PDE8A: variants seen among roughly 807,000 people sequenced by gnomAD.
PDE8A encodes the protein high affinity cAMP-specific and IBMX-insensitive 3',5'-cyclic phosphodiesterase 8A.
A neutral mutation model predicts 105.0 loss-of-function variants in PDE8A; 59 were observed. The ratio of observed to expected loss-of-function variants is 0.56; its 90% CI spans 0.46 to 0.70. The LOEUF (loss-of-function observed/expected upper bound fraction) is 0.70, where lower values mean the gene tolerates loss of function less well. PDE8A is among the 30% of genes least tolerant of loss of function. PDE8A has a pLI of 0.00. For missense variants in PDE8A, 1,014 were observed against 1,045.9 expected, an observed-to-expected ratio of 0.97 and a Z score of 0.42; for synonymous variants, 355 against 371.9, an observed-to-expected ratio of 0.95 and a Z score of 0.52.
intron 6 of PDE8A, 43 bp downstream of exon 6, chr15:85,083,687 C>A (rs2141505129): frequency 1.6e-6 from 2 of 1,242,238 alleles, no homozygotes; most frequent in Admixed American, 1.7e-5. Context: ...CCATACAGGG[C>A]AGCATGGCAA....
chr15:84,981,536 C>T (rs2079707509), upstream of PDE8A, among the ~76,000 whole-genome samples: 2 of 152,296 alleles, frequency 1.3e-5, no homozygotes, highest in Admixed American at 6.5e-5. Context: ...AGGGGTTTCC[C>T]TCGGACCCCG....
At chr15:85,082,269 G>A (rs780236827) in intron 5 of PDE8A, among the ~76,000 whole-genome samples, 1 of 152,100 alleles carries the variant, frequency 6.6e-6, no homozygotes, top group Admixed American at 6.5e-5. Flanking sequence ...TTGGCCTATA[G>A]GTATAAGGTT....
intron 6 of PDE8A, among the ~76,000 whole-genome samples, chr15:85,084,960 C>A (rs2081527447): frequency 6.6e-6 from 1 of 152,212 alleles, no homozygotes; most frequent in Non-Finnish European, 1.5e-5. Context: ...TACTGCTACT[C>A]TTAGTCTAGG....
At position 85,083,539 on chromosome 15, in the gene PDE8A, C is replaced by G. The variant is rs752190199; in HGVS notation, c.547-17C>G. 1 of 1,522,006 alleles carries G rather than the reference C, an allele frequency of 6.6e-7. No homozygotes were observed. Among genetic ancestry groups the G allele is most frequent in the Non-Finnish European group, 9.1e-7 (1 of 1,097,846 alleles). 94.3% of individuals were successfully genotyped at this position (1,522,006 alleles called of 1,614,324 possible). On this transcript the variant is annotated splice_polypyrimidine_tract_variant and intron_variant, in intron 5 of 21. Coordinates refer to ENST00000394553, the MANE Select transcript of PDE8A (RefSeq NM_002605.3). ...AGCACTTTTGTTTATCCACAAAATT[C>G]CTCTTTCTGTTTGTAGAGGTATGTA...
At chr15:85,017,192 C>T (rs1256902815) in intron 1 of PDE8A, among the ~76,000 whole-genome samples, 1 of 151,050 alleles carries the variant, frequency 6.6e-6, no homozygotes, top group Non-Finnish European at 1.5e-5. Context: ...ACCCGGGAAG[C>T]AGAGCTTGCA....
At chr15:85,086,587 A>G (rs553723601) in intron 6 of PDE8A, among the ~76,000 whole-genome samples, 1 of 152,340 alleles carries the variant, frequency 6.6e-6, no homozygotes, top group East Asian at 1.9e-4. Context: ...GTTCAACCTC[A>G]CTAATAAAGA....
chr15:85,137,553 T>C (rs1175231603), intron 21 of PDE8A, among the ~76,000 whole-genome samples: 1 of 152,188 alleles, frequency 6.6e-6, no homozygotes. Context: ...ATTAGCCACC[T>C]TCTGTTTTAT....
At chr15:85,066,607 C>CACAT (rs1291072699) in intron 2 of PDE8A, among the ~76,000 whole-genome samples, 14 of 72,220 alleles carry the variant, frequency 1.9e-4, no homozygotes, top group African/African-American at 1.1e-3. Context: ...CACACACACA[C>CACAT]ACACACACAC....
At chr15:85,001,051 G>T (rs2142177701) in intron 1 of PDE8A, among the ~76,000 whole-genome samples, 1 of 152,256 alleles carries the variant, frequency 6.6e-6, no homozygotes, top group Non-Finnish European at 1.5e-5. Context: ...GTAACTCCCA[G>T]TTGCCAAATT....
At chr15:85,100,282 G>A in intron 11 of PDE8A, 84 bp downstream of exon 11, 1 of 1,194,366 alleles carries the variant, frequency 8.4e-7, no homozygotes, top group Admixed American at 2.0e-5. Context: ...AGCTTGCCTG[G>A]TGTAATGGTG....
chr15:85,048,420 A>G (rs887243148), intron 1 of PDE8A, among the ~76,000 whole-genome samples: 2 of 152,150 alleles, frequency 1.3e-5, no homozygotes, highest in Non-Finnish European at 2.9e-5. Flanking sequence ...AGACTGAGAC[A>G]CCAATTCATA....
intron 15 of PDE8A, 115 bp from the exon 16 acceptor site, chr15:85,115,869 G>C: frequency 1.1e-6 from 1 of 923,384 alleles, no homozygotes. Flanking sequence ...GCAGTGAGCT[G>C]AGACTGTACC....
intron 1 of PDE8A, among the ~76,000 whole-genome samples, chr15:85,015,948 C>T (rs1344209965): frequency 2.0e-5 from 3 of 152,086 alleles, no homozygotes. Flanking sequence ...CCAGCCTGGC[C>T]AACATGGCAA....
chr15:85,009,265 T>C (rs995743879), intron 1 of PDE8A, among the ~76,000 whole-genome samples: 6 of 152,190 alleles, frequency 3.9e-5, no homozygotes, highest in African/African-American at 1.4e-4. Context: ...TTAGTTCTCT[T>C]CTACCTGTTA....
At chr15:84,987,349 G>A (rs1470730530) in intron 1 of PDE8A, among the ~76,000 whole-genome samples, 1 of 151,806 alleles carries the variant, frequency 6.6e-6, no homozygotes, top group African/African-American at 2.4e-5. Flanking sequence ...TTTGACCCTC[G>A]CCTTGCTGAG....
At chr15:84,989,888 G>A (rs1017579063) in intron 1 of PDE8A, among the ~76,000 whole-genome samples, 6 of 152,090 alleles carry the variant, frequency 3.9e-5, no homozygotes, top group African/African-American at 1.2e-4. Context: ...GCACTCATAT[G>A]CCTGCCATCT....
At chr15:85,134,224 G>A (rs1356345918) in intron 20 of PDE8A, among the ~76,000 whole-genome samples, 1 of 152,372 alleles carries the variant, frequency 6.6e-6, no homozygotes, top group East Asian at 1.9e-4. Flanking sequence ...GGCCCTGAGA[G>A]CAGAAAGACA....
chr15:84,980,471 C>T (rs117149613), upstream of PDE8A: 2,969 of 152,472 alleles, frequency 0.019, 48 homozygotes, highest in Non-Finnish European at 0.034. Context: ...GCGGCTGCCT[C>T]TCAGGGTCGC....
intron 1 of PDE8A, among the ~76,000 whole-genome samples, chr15:85,039,442 A>G (rs1249760696): frequency 2.6e-5 from 4 of 151,814 alleles, no homozygotes; most frequent in African/African-American, 4.8e-5. Flanking sequence ...AAAAAAAAAG[A>G]TGGAAAATAA....
Sources: gnomAD v4.1 joint callset for allele counts (sites outside exome capture counted in the v4.1 genomes callset) on GRCh38, gnomAD v4.1.1 for gene constraint, MANE v1.5 for transcripts, NCBI Gene and HGNC (gene_info 2026-07-23, HGNC 2026-07-21) for gene names.